The following IFT80 variants were observed in gnomAD, a reference collection of about 807,000 sequenced individuals.
IFT80 encodes intraflagellar transport protein 80 homolog.
Under a neutral mutation model 107.9 loss-of-function variants are expected in IFT80, and 79 were observed. The ratio of observed to expected loss-of-function variants is 0.73; its 90% CI spans 0.61 to 0.88. The LOEUF is 0.88. IFT80 is among the 40% of genes least tolerant of loss of function. The pLI, the probability that IFT80 is intolerant of heterozygous loss-of-function variation, is 0.00. For missense variants in IFT80, 797 were observed against 914.2 expected (o/e 0.87, Z 1.65); for synonymous variants, 299 against 300.9 (o/e 0.99, Z 0.07).
At position 160,299,172 on chromosome 3, in the gene IFT80, C is replaced by T. The variant is rs1716217996; in HGVS notation, c.1315+1711G>A. 3 of 990,722 alleles carry T rather than the reference C, an allele frequency of 3.0e-6. No individual in the cohort carries two copies. The South Asian group carries it at 1.2e-4, about 39-fold the overall frequency. 61.4% of individuals were successfully genotyped at this position (990,722 alleles called of 1,614,324 possible). A position where few individuals can be genotyped will look rare whatever the true frequency, so the allele number is the denominator to read the frequency against. ...CAATTTATAGTTATCTTAATTCTGT[C>T]TGCCATCTGGATACTATATTATTCC... On this transcript the variant is annotated intron_variant, in intron 12 of 19. Coordinates refer to ENST00000326448, the MANE Select transcript of IFT80 (RefSeq NM_020800.3).
At chr3:160,334,574 G>T (rs1156641245) in intron 8 of IFT80, among the ~76,000 whole-genome samples, 1 of 151,938 alleles carries the variant, frequency 6.6e-6, no homozygotes, top group East Asian at 1.9e-4. Flanking sequence ...CTGCCAGCAT[G>T]CCCAGCTAAT....
intron 9 of IFT80, among the ~76,000 whole-genome samples, chr3:160,311,360 T>C (rs1717235118): frequency 6.6e-6 from 1 of 152,052 alleles, no homozygotes; most frequent in African/African-American, 2.4e-5. Context: ...ACTAGAAAAA[T>C]ATATTTAGAA....
chr3:160,357,175 C>T (rs1721154996), intron 7 of IFT80, among the ~76,000 whole-genome samples: 1 of 152,152 alleles, frequency 6.6e-6, no homozygotes, highest in Admixed American at 6.5e-5. Context: ...TTATGGCTCA[C>T]TGCAGCCTCA....
chr3:160,307,091 G>C (rs1049947034), intron 10 of IFT80, among the ~76,000 whole-genome samples: 5 of 152,162 alleles, frequency 3.3e-5, no homozygotes, highest in Admixed American at 2.0e-4. Flanking sequence ...GTATGCTAGA[G>C]CCAGCCTGTA....
chr3:160,319,862 A>G lies in IFT80; in HGVS notation c.855T>C (p.Ala285=). 3.7e-6 allele frequency: 6 copies of G among 1,612,980 alleles called. No homozygotes were observed. The highest frequency in any genetic ancestry group is 5.1e-6 in the Non-Finnish European group (6 of 1,179,284). ...IAWSIDGTQI[A]GACGNGHVVF... ...CGACATGTCCATTTCCACAGGCTCC[A>G]GCAATCTGAGTGCCATCGATAGACC... The change falls in exon 9 of 20, where the codon GCT becomes GCC. Residue 285 remains alanine, a synonymous_variant. Coordinates refer to ENST00000326448, the MANE Select transcript of IFT80 (RefSeq NM_020800.3).
At chr3:160,322,558 G>C (rs1718325202) in intron 8 of IFT80, among the ~76,000 whole-genome samples, 1 of 152,032 alleles carries the variant, frequency 6.6e-6, no homozygotes, top group Admixed American at 6.6e-5. Flanking sequence ...CCCACTAATG[G>C]GATGGCTGGG....
chr3:160,285,869 C>T lies in IFT80; in HGVS notation c.1316-1G>A. 1 of 1,606,628 alleles carries T rather than the reference C, an allele frequency of 6.2e-7. No homozygotes were observed. The highest frequency in any genetic ancestry group is 8.5e-7 in the Non-Finnish European group (1 of 1,174,914). On this transcript the variant is annotated splice_acceptor_variant, in intron 12 of 19. Coordinates refer to ENST00000326448, the MANE Select transcript of IFT80 (RefSeq NM_020800.3). LOFTEE classifies it high-confidence loss of function. ...GTTGATGCCTCAAAGAGGAAGATTA[C>T]TTGAAAAAAAGTAGAACATTAATTA...
intron 18 of IFT80, among the ~76,000 whole-genome samples, chr3:160,273,449 G>A (rs554520000): frequency 2.0e-5 from 3 of 152,126 alleles, no homozygotes; most frequent in Non-Finnish European, 2.9e-5. Context: ...ATCAACTTAC[G>A]TAATGGTACT....
intron 18 of IFT80, among the ~76,000 whole-genome samples, chr3:160,273,021 G>A (rs1713941322): frequency 6.6e-6 from 1 of 152,032 alleles, no homozygotes; most frequent in South Asian, 2.1e-4. Context: ...GGTATCCTGG[G>A]GGTCCTGGAA....
intron 12 of IFT80, among the ~76,000 whole-genome samples, chr3:160,289,187 C>T (rs1323718908): frequency 6.6e-6 from 1 of 152,180 alleles, no homozygotes; most frequent in Non-Finnish European, 1.5e-5. Context: ...GGCCATCATC[C>T]TTAGCAAACT....
At chr3:160,357,979 C>T (rs1721215240) in intron 6 of IFT80, among the ~76,000 whole-genome samples, 1 of 151,984 alleles carries the variant, frequency 6.6e-6, no homozygotes, top group Non-Finnish European at 1.5e-5. Context: ...ACTGATACTG[C>T]CTTCATGCTT....
At chr3:160,286,000 T>C (rs776591497) in intron 12 of IFT80, 132 bp from the exon 13 acceptor site, 12 of 593,876 alleles carry the variant, frequency 2.0e-5, no homozygotes, top group African/African-American at 5.6e-5. Context: ...CAGCATCCAA[T>C]TTTAATTTAT....
At chr3:160,346,435 T>C (rs1720299518) in intron 8 of IFT80, among the ~76,000 whole-genome samples, 1 of 152,232 alleles carries the variant, frequency 6.6e-6, no homozygotes, top group Non-Finnish European at 1.5e-5. Context: ...GTGTAATAAG[T>C]CCAATGCTGG....
intron 5 of IFT80, among the ~76,000 whole-genome samples, chr3:160,373,861 C>T (rs1251134388): frequency 1.3e-5 from 2 of 152,124 alleles, no homozygotes; most frequent in Non-Finnish European, 2.9e-5. Flanking sequence ...GCTGTAAATA[C>T]AGATAAAGCT....
intron 5 of IFT80, among the ~76,000 whole-genome samples, chr3:160,368,359 CAAA>C (rs56031662): frequency 9.9e-5 from 9 of 90,610 alleles, no homozygotes; most frequent in African/African-American, 1.2e-4. Context: ...AGACCCAGTC[CAAA>C]AAAAAAAAAA....
intron 13 of IFT80, among the ~76,000 whole-genome samples, chr3:160,285,396 A>G (rs1197580527): frequency 6.6e-6 from 1 of 152,210 alleles, no homozygotes; most frequent in African/African-American, 2.4e-5. Context: ...TTGTATAGCG[A>G]TTTCTTACTA....
At chr3:160,346,282 T>C (rs1226836653) in intron 8 of IFT80, among the ~76,000 whole-genome samples, 2 of 152,244 alleles carry the variant, frequency 1.3e-5, no homozygotes, top group African/African-American at 4.8e-5. Context: ...AAAAATGTTA[T>C]GTAAGGTGAT....
rs142766806 is a variant in IFT80 at position 160,368,886 on chromosome 3, C to T, written c.440-2734G>A. Among the ~76,000 whole-genome samples the T allele has an allele frequency of 1.5e-3, 226 of 152,042 alleles. 1 individual carries two copies. The highest frequency in any genetic ancestry group is 5.8e-3 in the South Asian group (28 of 4,824). ...GTGTATACCAAACTGTGACAAACAT[C>T]TACCCTCAAGGAAATAATTCAGTAA... On this transcript the variant is annotated intron_variant, in intron 5 of 19. Coordinates refer to ENST00000326448, the MANE Select transcript of IFT80 (RefSeq NM_020800.3).
chr3:160,378,176 G>A (rs1026371933), intron 3 of IFT80, among the ~76,000 whole-genome samples: 1 of 151,276 alleles, frequency 6.6e-6, no homozygotes, highest in Non-Finnish European at 1.5e-5. Context: ...TTTAAACTTG[G>A]GATTATCCAT....
Sources: allele counts gnomAD v4.1 joint callset (sites outside exome capture counted in the v4.1 genomes callset), GRCh38; gene constraint gnomAD v4.1.1; transcripts MANE v1.5; gene names NCBI Gene and HGNC (gene_info 2026-07-23, HGNC 2026-07-21).